PRRT4: variants seen among roughly 807,000 people sequenced by gnomAD.
PRRT4 encodes proline rich transmembrane protein 4.
PRRT4 carries 59 observed loss-of-function variants against 55.6 expected under a neutral mutation model. That is an observed-to-expected ratio of 1.06 (90% CI 0.86 to 1.32). The LOEUF is 1.32. Among genes scored for constraint, PRRT4 ranks in the 40% most tolerant of loss-of-function variants. PRRT4 has a pLI of 0.00. For synonymous variants in PRRT4, 606 were observed against 601.8 expected, an observed-to-expected ratio of 1.01 and a Z score of -0.10; for missense variants, 1,217 against 1,222.0, an observed-to-expected ratio of 1.00 and a Z score of 0.06.
exon 2 of PRRT4, chr7:128,359,392 C>G (rs1270474952): frequency 6.8e-7 from 1 of 1,466,228 alleles, no homozygotes. Flanking sequence ...GCAGGCTGGG[C>G]AGCAGGGGCA....
rs755850876 is a variant in PRRT4, at chr7:128,352,558, T to G, written c.998A>C (p.Glu333Ala). The G allele has an allele frequency of 3.2e-6, 5 of 1,544,686 alleles. No homozygotes were observed. In the South Asian group the frequency reaches 5.9e-5, roughly 18 times the overall value. The change falls in exon 5 of 5, where the codon GAG becomes GCG. Residue 333 changes from glutamate (E) to alanine (A), a missense_variant. Coordinates refer to ENST00000535159, the Ensembl canonical transcript of PRRT4. ...CCTCGGCGCCTCGGGAGGCTGCCCC[T>G]CGCGTTCAGGCAATTCTCCCACGCT...
chr7:128,359,003 C>T, intron 3 of PRRT4, 146 bp downstream of exon 4: 7 of 1,180,072 alleles, frequency 5.9e-6, no homozygotes, highest in Non-Finnish European at 8.5e-6. Flanking sequence ...GAGAATACTC[C>T]TTCCGTGGAA....
chr7:128,356,641 C>CA (rs1161468729), intron 4 of PRRT4, among the ~76,000 whole-genome samples: 18 of 152,218 alleles, frequency 1.2e-4, no homozygotes, highest in Non-Finnish European at 1.5e-5. Context: ...CCTCAGTGGC[C>CA]AGGAGGAGAG....
At chr7:128,355,269 C>A (rs1313165038) in intron 4 of PRRT4, among the ~76,000 whole-genome samples, 2 of 152,240 alleles carry the variant, frequency 1.3e-5, no homozygotes, top group African/African-American at 4.8e-5. Context: ...ATGATCTCAG[C>A]TCACTGCAAC....
exon 5 of PRRT4, chr7:128,351,219 C>T: frequency 6.5e-7 from 1 of 1,540,040 alleles, no homozygotes; most frequent in Admixed American, 2.0e-5. Flanking sequence ...GGCCAGAGGC[C>T]TCCCCTGATC....
In PRRT4 at chr7:128,359,818, G is replaced by A. The variant is rs998762762; in HGVS notation, c.174C>T (p.Phe58=). The A allele has an allele frequency of 3.9e-6, 6 of 1,519,182 alleles. No individual in the cohort carries two copies. In the African/African-American group the frequency reaches 8.3e-5, roughly 21 times the overall value. 94.1% of individuals were successfully genotyped at this position (1,519,182 alleles called of 1,614,324 possible). Residue 58 remains phenylalanine, a synonymous_variant, in exon 2 of 5, where the codon TTC becomes TTT. Transcript: ENST00000535159. ...AGACAGCAGCAGGTCCCCGAAGATG[G>A]AATTTGAAGTTAAGTCCCAGGTTGA... is the stretch of plus-strand genomic sequence containing the variant.
chr7:128,352,847 G>A (rs1023226188), intron 4 of PRRT4, among the ~76,000 whole-genome samples, 169 bp from the exon 6 acceptor site: 1 of 151,364 alleles, frequency 6.6e-6, no homozygotes, highest in African/African-American at 2.4e-5. Flanking sequence ...CCTCCCCCGC[G>A]CCCCTATTCA....
At chr7:128,361,902 C>G (rs192302354), upstream of PRRT4, among the ~76,000 whole-genome samples, 105 of 152,288 alleles carry the variant, frequency 6.9e-4, 3 homozygotes, top group East Asian at 0.018. Flanking sequence ...GCGGGCGCCT[C>G]GCTGTGAGCC....
chr7:128,359,048 A>G (rs1797175622), intron 3 of PRRT4, 101 bp downstream of exon 4: 9 of 1,318,924 alleles, frequency 6.8e-6, no homozygotes, highest in South Asian at 1.3e-5. Context: ...GGAAGAAGCA[A>G]TGCAAGAAAG....
At chr7:128,350,713 C>A, downstream of PRRT4, 1 of 1,348,248 alleles carries the variant, frequency 7.4e-7, no homozygotes, top group East Asian at 2.5e-5. Flanking sequence ...GCTGACCCAC[C>A]CACCCAGGGA....
At chr7:128,350,892 G>C in exon 5 of PRRT4, 1 of 1,550,886 alleles carries the variant, frequency 6.4e-7, no homozygotes, top group Non-Finnish European at 8.7e-7. Context: ...CGCTCAGCTC[G>C]TCGATCTGTC....
exon 5 of PRRT4, chr7:128,351,422 G>C: frequency 6.5e-7 from 1 of 1,531,236 alleles, no homozygotes; most frequent in Non-Finnish European, 8.8e-7. Context: ...TCGCTGCAGG[G>C]AGAGGAAGCC....
Position 128,358,853 on chromosome 7 carries a change from T to C in PRRT4, c.758-53A>G. The stretch of plus-strand genomic sequence containing the variant: ...TGCCACCCCACCAACCAGCCTTGCC[T>C]CTGGGAGTTTGGAGAAAATTATGTC... On this transcript the variant is annotated intron_variant, in intron 3 of 4. Transcript: ENST00000535159. This position sits in a 1 kb window ranked among gnomAD's most constrained non-coding sequence, Gnocchi z 4.4. 6.8e-7 allele frequency: 1 copy of C among 1,480,804 alleles called. No homozygotes were observed. Among genetic ancestry groups the C allele is most frequent in the Non-Finnish European group, 8.9e-7 (1 of 1,119,220 alleles). 91.7% of individuals were successfully genotyped at this position (1,480,804 alleles called of 1,614,324 possible).
At chr7:128,354,568 AAAACACACACAC>A (rs1266500822) in intron 4 of PRRT4, among the ~76,000 whole-genome samples, 12 of 121,276 alleles carry the variant, frequency 9.9e-5, no homozygotes, top group East Asian at 2.2e-4. Context: ...TGGCTCAAAA[AAAACACACACAC>A]ACACACACAC....
intron 4 of PRRT4, among the ~76,000 whole-genome samples, chr7:128,357,651 T>C (rs1797144726): frequency 6.6e-6 from 1 of 152,194 alleles, no homozygotes; most frequent in Non-Finnish European, 1.5e-5. Flanking sequence ...GGTCATGGGT[T>C]AAGTCTGGAG....
exon 5 of PRRT4, chr7:128,351,924 C>T (rs1276526610): frequency 1.5e-6 from 2 of 1,303,064 alleles, no homozygotes; most frequent in African/African-American, 1.5e-5. Flanking sequence ...AGGGGCTGCG[C>T]CCCTGCGGCA....
Position 128,352,118 on chromosome 7 carries a change from CGGCCG to C in PRRT4, c.1433_1437del (p.Ala478GlyfsTer99). ...TGCGCGGCGCTCCCGAGGGCGGCGG[CGGCCG>C]CCAGCCCCAGCCCCAGGAGCAGCAG... On this transcript the variant is annotated frameshift_variant, in exon 5 of 5. Coordinates refer to ENST00000535159, the Ensembl canonical transcript of PRRT4. LOFTEE classifies it high-confidence loss of function. 8.6e-7 allele frequency: 1 copy of C among 1,167,888 alleles called. No homozygotes were observed. Among genetic ancestry groups the C allele is most frequent in the Non-Finnish European group, 1.1e-6 (1 of 948,736 alleles). 72.3% of individuals were successfully genotyped at this position (1,167,888 alleles called of 1,614,324 possible). A position where few individuals can be genotyped will look rare whatever the true frequency, so the allele number is the denominator to read the frequency against.
At chr7:128,359,190 G>C in exon 3 of PRRT4, 1 of 1,551,790 alleles carries the variant, frequency 6.4e-7, no homozygotes, top group Non-Finnish European at 8.7e-7. Context: ...TGTGGATGTA[G>C]TTTCACCTGG....
Position 128,358,750 on chromosome 7 carries a change from G to A in PRRT4, c.808C>T (p.Leu270Phe). The change falls in exon 4 of 5, where the codon CTC (leucine) becomes TTC (phenylalanine). Residue 270 changes from leucine to phenylalanine, a missense_variant. Coordinates refer to ENST00000535159, the Ensembl canonical transcript of PRRT4. This position sits in a 1 kb window ranked among gnomAD's most constrained non-coding sequence, Gnocchi z 4.4. Reference sequence around the variant, plus strand: ...GGGTCCAGAGGACTTGGGCTGGAGAGCTTCCTCTCCAGGGAGTATGGGGGC... The same window carrying A: ...GGGTCCAGAGGACTTGGGCTGGAGAACTTCCTCTCCAGGGAGTATGGGGGC... The A allele has an allele frequency of 1.9e-6, 3 of 1,551,674 alleles. No homozygotes were observed. The highest frequency in any genetic ancestry group is 2.4e-5 in the East Asian group (1 of 40,924).
Sources: allele counts gnomAD v4.1 joint callset (sites outside exome capture counted in the v4.1 genomes callset), GRCh38; gene constraint gnomAD v4.1.1; non-coding constraint Gnocchi (gnomAD v3.1); transcripts MANE v1.5; gene names NCBI Gene and HGNC (gene_info 2026-07-23, HGNC 2026-07-21).